HS6ST1: variants seen among roughly 807,000 people sequenced by gnomAD.
HS6ST1 encodes heparan-sulfate 6-O-sulfotransferase 1.
A neutral mutation model predicts 25.2 loss-of-function variants in HS6ST1; 3 were observed. That is an observed-to-expected ratio of 0.12 (90% CI 0.05 to 0.31). The LOEUF (loss-of-function observed/expected upper bound fraction) is 0.31. HS6ST1 is among the 10% of genes least tolerant of loss of function. The probability of loss-of-function intolerance (pLI) is 1.00; values close to 1 mark genes in which losing one functional copy is unlikely to be tolerated. For missense variants in HS6ST1, 310 were observed against 609.6 expected (o/e 0.51, Z 5.18); for synonymous variants, 204 against 275.1 (o/e 0.74, Z 2.56).
intron 1 of HS6ST1, among the ~76,000 whole-genome samples, chr2:128,283,318 G>T (rs1242508688): frequency 6.6e-6 from 1 of 152,196 alleles, no homozygotes; most frequent in African/African-American, 2.4e-5. Flanking sequence ...AGGGGCCCTG[G>T]TAGGTTTCCA....
chr2:128,308,848 T>A (rs1210802619), intron 1 of HS6ST1, among the ~76,000 whole-genome samples: 2 of 152,224 alleles, frequency 1.3e-5, no homozygotes, highest in African/African-American at 4.8e-5. Flanking sequence ...AACTAATTCA[T>A]GGAGTGAGAA....
chr2:128,275,546 T>C (rs756175746), intron 1 of HS6ST1, among the ~76,000 whole-genome samples: 14 of 152,192 alleles, frequency 9.2e-5, no homozygotes, highest in Non-Finnish European at 1.8e-4. Flanking sequence ...TAAGTATGTG[T>C]ATGAATTACT....
At chr2:128,288,483 T>A (rs1048457760) in intron 1 of HS6ST1, among the ~76,000 whole-genome samples, 1 of 152,144 alleles carries the variant, frequency 6.6e-6, no homozygotes, top group Admixed American at 6.5e-5. Flanking sequence ...GAAGCTCATA[T>A]CTGTGTGCAC....
chr2:128,306,262 T>C lies in HS6ST1; in HGVS notation c.527+11775A>G, dbSNP rs539586918. On this transcript the variant is annotated intron_variant, in intron 1 of 1. Transcript: ENST00000259241. Reference sequence around the variant, plus strand: ...TCCACAGGACAGTGCCTTCCCTGGCTTTCCCTCCATCAACTGTGGTCGGGC... The same window carrying C: ...TCCACAGGACAGTGCCTTCCCTGGCCTTCCCTCCATCAACTGTGGTCGGGC... Among the ~76,000 whole-genome samples the C allele has an allele frequency of 4.1e-4, 62 of 152,298 alleles. 1 individual carries two copies. Among genetic ancestry groups the C allele is most frequent in the African/African-American group, 1.5e-3 (62 of 41,558 alleles).
At chr2:128,287,568 G>A (rs1397208934) in intron 1 of HS6ST1, among the ~76,000 whole-genome samples, 1 of 152,244 alleles carries the variant, frequency 6.6e-6, no homozygotes, top group Non-Finnish European at 1.5e-5. Flanking sequence ...GCCACAAGAG[G>A]AGGTGCTGAC....
intron 1 of HS6ST1, among the ~76,000 whole-genome samples, chr2:128,300,067 C>T (rs1694100574): frequency 2.6e-5 from 4 of 152,136 alleles, no homozygotes. Context: ...TGACACTCTG[C>T]TTATACTGCT....
chr2:128,313,931 G>A (rs1694326594), intron 1 of HS6ST1, among the ~76,000 whole-genome samples: 1 of 146,424 alleles, frequency 6.8e-6, no homozygotes. Flanking sequence ...GCCTTATCAT[G>A]TGTTTGCTTA....
chr2:128,291,093 A>G (rs566220995), intron 1 of HS6ST1, among the ~76,000 whole-genome samples: 1 of 152,256 alleles, frequency 6.6e-6, no homozygotes, highest in Non-Finnish European at 1.5e-5. Context: ...AATAAGACAA[A>G]GATGTCCACT....
chr2:128,276,261 G>A (rs576246309), intron 1 of HS6ST1, among the ~76,000 whole-genome samples: 1 of 152,240 alleles, frequency 6.6e-6, no homozygotes, highest in East Asian at 1.9e-4. Flanking sequence ...CCGAGTAGCT[G>A]GGATTACTCG....
chr2:128,307,763 C>T lies in HS6ST1; in HGVS notation c.527+10274G>A, dbSNP rs187087168. Reference sequence around the variant, plus strand: ...CTGGCAGAAATGAGCCAAGAGTGCCCGCCCAAACAATCGGGAACCACGGGC... The same window carrying T: ...CTGGCAGAAATGAGCCAAGAGTGCCTGCCCAAACAATCGGGAACCACGGGC... On this transcript the variant is annotated intron_variant, in intron 1 of 1. Transcript: ENST00000259241. Among the ~76,000 whole-genome samples, 646 of 152,262 alleles carry T rather than the reference C, an allele frequency of 4.2e-3. 2 individuals are homozygous for T. The highest frequency in any genetic ancestry group is 0.01 in the Middle Eastern group (3 of 294).
intron 1 of HS6ST1, among the ~76,000 whole-genome samples, chr2:128,300,906 G>A (rs1412544188): frequency 6.6e-6 from 1 of 152,256 alleles, no homozygotes; most frequent in Non-Finnish European, 1.5e-5. Context: ...GCCACCGTGT[G>A]CTGTGTGTGG....
At chr2:128,270,930 G>A (rs1693600524) in intron 1 of HS6ST1, among the ~76,000 whole-genome samples, 1 of 152,342 alleles carries the variant, frequency 6.6e-6, no homozygotes. Flanking sequence ...GGCCCCATCT[G>A]GGAAACACAA....
intron 1 of HS6ST1, among the ~76,000 whole-genome samples, chr2:128,310,345 C>T (rs534820496): frequency 6.6e-5 from 10 of 152,364 alleles, no homozygotes; most frequent in African/African-American, 1.2e-4. Context: ...CCAGACCACA[C>T]GCTGTGTGAG....
intron 1 of HS6ST1, among the ~76,000 whole-genome samples, chr2:128,275,209 C>T (rs554455519): frequency 2.6e-5 from 4 of 152,034 alleles, no homozygotes; most frequent in East Asian, 1.9e-4. Context: ...CTTGCCTCAG[C>T]GGTAAATGAT....
intron 1 of HS6ST1, among the ~76,000 whole-genome samples, chr2:128,305,103 G>T (rs963947450): frequency 3.9e-5 from 6 of 152,214 alleles, no homozygotes; most frequent in Non-Finnish European, 7.3e-5. Context: ...CTGACCCATT[G>T]CCTGCCTGGG....
intron 1 of HS6ST1, chr2:128,290,336 A>G (rs942572455): frequency 6.6e-6 from 1 of 152,188 alleles, no homozygotes; most frequent in Non-Finnish European, 1.5e-5. Context: ...GACACTCCCA[A>G]TTCATTCTAT....
At chr2:128,312,187 T>C (rs1404908390) in intron 1 of HS6ST1, among the ~76,000 whole-genome samples, 2 of 152,242 alleles carry the variant, frequency 1.3e-5, no homozygotes, top group Non-Finnish European at 2.9e-5. Flanking sequence ...CAGCCTTCCA[T>C]GCGCATGCAG....
chr2:128,312,624 G>A (rs1348259716), intron 1 of HS6ST1, among the ~76,000 whole-genome samples: 2 of 152,180 alleles, frequency 1.3e-5, no homozygotes, highest in African/African-American at 2.4e-5. Context: ...AGCAGGTGGC[G>A]ACATGTGGGT....
At chr2:128,295,526 G>A (rs996122570) in intron 1 of HS6ST1, among the ~76,000 whole-genome samples, 1 of 152,336 alleles carries the variant, frequency 6.6e-6, no homozygotes, top group African/African-American at 2.4e-5. Context: ...CTCATTCTAT[G>A]AGGTCAGTAT....
Sources: gnomAD v4.1 joint callset for allele counts (sites outside exome capture counted in the v4.1 genomes callset) on GRCh38, gnomAD v4.1.1 for gene constraint, MANE v1.5 for transcripts, NCBI Gene and HGNC (gene_info 2026-07-23, HGNC 2026-07-21) for gene names.